RNF17: variants seen among roughly 807,000 people sequenced by gnomAD.
The protein encoded by RNF17 is spermatogenesis associated 23.
RNF17 carries 31 observed loss-of-function variants against 200.5 expected under a neutral mutation model. The observed-to-expected ratio is 0.15, with a 90% confidence interval of 0.12 to 0.21. RNF17 has a LOEUF of 0.21. Among genes scored for constraint, RNF17 ranks in the 10% least tolerant of loss-of-function variants. RNF17 has a pLI of 1.00. For synonymous variants in RNF17, 606 were observed against 637.8 expected (o/e 0.95, Z 0.75); for missense variants, 1,628 against 1,905.1 (o/e 0.85, Z 2.71).
At chr13:24,763,745 T>C (rs1271408917), upstream of RNF17, among the ~76,000 whole-genome samples, 1 of 152,158 alleles carries the variant, frequency 6.6e-6, no homozygotes, top group Non-Finnish European at 1.5e-5. Context: ...TCACTGAATC[T>C]ACCCCAACGA....
At position 24,844,814 on chromosome 13, in the gene RNF17, A is replaced by G; in HGVS notation, c.2982+12A>G. On this transcript the variant is annotated intron_variant, in intron 21 of 35. Coordinates refer to ENST00000255324, the MANE Select transcript of RNF17 (RefSeq NM_031277.3). The stretch of plus-strand genomic sequence containing the variant: ...ACACATTGGTAGAGGTAAATTACAG[A>G]GTTAAAAGTGTAATTGTGAAGGTGA... The G allele has an allele frequency of 6.2e-7, 1 of 1,605,878 alleles. No homozygotes were observed. Among genetic ancestry groups the G allele is most frequent in the Non-Finnish European group, 8.5e-7 (1 of 1,176,086 alleles).
chr13:24,755,002 A>T, the RNF17 span, among the ~76,000 whole-genome samples: 1 of 152,030 alleles, frequency 6.6e-6, no homozygotes, highest in East Asian at 1.9e-4. Context: ...ACTACATATA[A>T]TTTAGTAGTA....
At position 24,870,615 on chromosome 13, in the gene RNF17, C is replaced by T; in HGVS notation, c.4323C>T (p.Asn1441=). 13 of 1,614,034 alleles carry T rather than the reference C, an allele frequency of 8.1e-6. No homozygotes were observed. Among genetic ancestry groups the T allele is most frequent in the Non-Finnish European group, 1.1e-5 (13 of 1,179,918 alleles). Residue 1441 remains asparagine (N), a synonymous_variant, in exon 32 of 36, where the codon AAC becomes AAT. Coordinates refer to ENST00000255324, the MANE Select transcript of RNF17 (RefSeq NM_031277.3). ...CTATAGAAACTTCTAACCAGTCTAA[C>T]CAGCATAGTGACACAGATGATAGTG... ...LDSIETSNQS[N]QHSDTDDSGV... is the part of the protein sequence containing the mutation.
intron 28 of RNF17, among the ~76,000 whole-genome samples, chr13:24,863,894 G>T (rs1159967569): frequency 6.6e-6 from 1 of 152,168 alleles, no homozygotes; most frequent in African/African-American, 2.4e-5. Context: ...TCCCTTGTAC[G>T]CAAAGGGAGA....
chr13:24,811,732 T>A (rs1886649450), intron 15 of RNF17, among the ~76,000 whole-genome samples: 2 of 141,454 alleles, frequency 1.4e-5, no homozygotes, highest in Non-Finnish European at 3.2e-5. Flanking sequence ...TTTTTAGAGT[T>A]TCCAGTTTTT....
At chr13:24,815,428 G>GGTGTGT (rs60054136) in intron 15 of RNF17, among the ~76,000 whole-genome samples, 1,445 of 144,148 alleles carry the variant, frequency 0.01, 6 homozygotes, top group African/African-American at 0.013. Context: ...GCCCTAACGG[G>GGTGTGT]GTGTGTGTGT....
intron 18 of RNF17, among the ~76,000 whole-genome samples, chr13:24,836,521 C>G (rs1890014186): frequency 6.6e-6 from 1 of 152,158 alleles, no homozygotes; most frequent in Non-Finnish European, 1.5e-5. Flanking sequence ...AGCAGAAACC[C>G]TACAAGCTGG....
chr13:24,766,610 G>A (rs1238512658), intron 1 of RNF17, among the ~76,000 whole-genome samples: 3 of 152,140 alleles, frequency 2.0e-5, no homozygotes, highest in Non-Finnish European at 4.4e-5. Context: ...TCACAGGATG[G>A]GAAATATAAA....
At position 24,862,799 on chromosome 13, in the gene RNF17, T is replaced by C; in HGVS notation, c.3975+6T>C. 6.8e-7 allele frequency: 1 copy of C among 1,480,882 alleles called. No homozygotes were observed. The highest frequency in any genetic ancestry group is 9.4e-7 in the Non-Finnish European group (1 of 1,059,120). 91.7% of individuals were successfully genotyped at this position (1,480,882 alleles called of 1,614,324 possible). ...AGGTGGACATTCACATTATGGTAATTTAAAGTATATATAGTTGTTATAAAT... is the reference window on the plus strand; with the variant it reads ...AGGTGGACATTCACATTATGGTAATCTAAAGTATATATAGTTGTTATAAAT... On this transcript the variant is annotated splice_donor_region_variant and intron_variant, in intron 28 of 35. Coordinates refer to ENST00000255324, the MANE Select transcript of RNF17 (RefSeq NM_031277.3).
intron 23 of RNF17, among the ~76,000 whole-genome samples, chr13:24,850,862 C>T (rs889885613): frequency 6.6e-6 from 1 of 152,128 alleles, no homozygotes; most frequent in African/African-American, 2.4e-5. Context: ...ATGTTGTATT[C>T]CTCACTTCCC....
At chr13:24,886,557 A>G in the RNF17 span, among the ~76,000 whole-genome samples, 1 of 152,220 alleles carries the variant, frequency 6.6e-6, no homozygotes, top group African/African-American at 2.4e-5. Flanking sequence ...GATAACAGAA[A>G]AAGTACTGGG....
At chr13:24,768,227 A>G (rs1420905184) in intron 2 of RNF17, among the ~76,000 whole-genome samples, 1 of 152,174 alleles carries the variant, frequency 6.6e-6, no homozygotes, top group South Asian at 2.1e-4. Context: ...TAATACAAAT[A>G]TAAGTGTAGT....
intron 9 of RNF17, among the ~76,000 whole-genome samples, chr13:24,790,826 A>G (rs1054364365): frequency 2.6e-5 from 4 of 152,196 alleles, no homozygotes; most frequent in Non-Finnish European, 5.9e-5. Flanking sequence ...GAAGAGCAGA[A>G]GAGCAAAAAA....
the RNF17 span, among the ~76,000 whole-genome samples, chr13:24,888,353 T>A: frequency 2.0e-5 from 3 of 152,112 alleles, no homozygotes; most frequent in African/African-American, 7.2e-5. Context: ...GAATATTTTA[T>A]AAGGAGAAAC....
At chr13:24,747,971 G>A in the RNF17 span, among the ~76,000 whole-genome samples, 1 of 152,234 alleles carries the variant, frequency 6.6e-6, no homozygotes, top group African/African-American at 2.4e-5. Flanking sequence ...TACCGGCGTC[G>A]GAACCACAGT....
intron 15 of RNF17, among the ~76,000 whole-genome samples, chr13:24,813,371 G>A (rs1039727925): frequency 6.6e-6 from 1 of 151,794 alleles, no homozygotes; most frequent in African/African-American, 2.4e-5. Context: ...ATCCAGGCTG[G>A]CCTTGAACTC....
At chr13:24,845,764 T>C (rs1298323218) in intron 22 of RNF17, among the ~76,000 whole-genome samples, 1 of 152,212 alleles carries the variant, frequency 6.6e-6, no homozygotes. Context: ...GAAAGAGATC[T>C]GTAAATGTGC....
In RNF17 at chr13:24,868,713, T is replaced by TTAGGTGA; in HGVS notation, c.4275_4276insTAGGTGA (p.Glu1426Ter). On this transcript the variant is annotated stop_gained and frameshift_variant, in exon 31 of 36. Transcript: ENST00000255324. LOFTEE classifies it high-confidence loss of function. ...AAGTTAAGCACGTTGTCTCACCTAA[T>TTAGGTGA]GAAGTATGTGATCTAAATGATTAGT... 6.9e-7 allele frequency: 1 copy of TTAGGTGA among 1,445,736 alleles called. No individual in the cohort carries two copies. The highest frequency in any genetic ancestry group is 9.7e-7 in the Non-Finnish European group (1 of 1,027,376). The allele number at this position is 1,445,736 out of a possible 1,614,324, so 89.6% of individuals were successfully genotyped here. A position where few individuals can be genotyped will look rare whatever the true frequency, so the allele number is the denominator to read the frequency against.
At chr13:24,887,786 G>A in the RNF17 span, among the ~76,000 whole-genome samples, 1 of 152,194 alleles carries the variant, frequency 6.6e-6, no homozygotes, top group Non-Finnish European at 1.5e-5. Flanking sequence ...GGTCCCTGAT[G>A]CCAAAAAGGT....
Sources: allele counts gnomAD v4.1 joint callset (sites outside exome capture counted in the v4.1 genomes callset), GRCh38; gene constraint gnomAD v4.1.1; transcripts MANE v1.5; gene names NCBI Gene and HGNC (gene_info 2026-07-23, HGNC 2026-07-21).